Variants in CFAP46 observed in about 807,000 individuals in gnomAD.
CFAP46 encodes the protein cilia and flagella associated protein 46, also known as cilia- and flagella-associated protein 46.
CFAP46 carries 245 observed loss-of-function variants against 325.7 expected under a neutral mutation model. That is an observed-to-expected ratio of 0.75 (90% CI 0.68 to 0.84). The LOEUF is 0.84. Among genes scored for constraint, CFAP46 ranks in the 40% least tolerant of loss-of-function variants. The pLI, the probability that CFAP46 is intolerant of heterozygous loss-of-function variation, is 0.00. For missense variants in CFAP46, 3,346 were observed against 3,543.0 expected (o/e 0.94, Z 1.41); for synonymous variants, 1,523 against 1,495.9 (o/e 1.02, Z -0.42).
At position 132,876,915 on chromosome 10, in the gene CFAP46, C is replaced by G. The variant is rs1441722815; in HGVS notation, c.4259G>C (p.Ser1420Thr). The change falls in exon 31 of 58, where the codon AGC becomes ACC. Residue 1420 changes from serine to threonine, a missense_variant. Physicochemically the swap from Ser to Thr is moderately conservative, Grantham distance 58 (BLOSUM62 1). Transcript: ENST00000368586. The surrounding 1 kb of genome is among the most constrained non-coding windows in gnomAD (Gnocchi z 4.1). ...PIKQLEDLPM[S>T]IEEWASYSCP... ...GGAGTAGGAAGCCCACTCTTCTATG[C>G]TCATGGGTAAGTCTTCCAGTTGTTT... The G allele has an allele frequency of 1.4e-5, 22 of 1,550,488 alleles. No individual in the cohort carries two copies. Among genetic ancestry groups the G allele is most frequent in the Non-Finnish European group, 1.9e-5 (22 of 1,147,002 alleles).
In CFAP46 at chr10:132,918,522, T is replaced by C. The variant is rs1849672641; in HGVS notation, c.1859-2A>G. ...CGTCCCTACCTCGCTTCTTCTTCCC[T>C]GAGAGAAATGGCAGCAGGTAAGGAT... On this transcript the variant is annotated splice_acceptor_variant, in intron 15 of 57. Transcript: ENST00000368586. LOFTEE classifies it high-confidence loss of function. 9 of 1,511,106 alleles carry C rather than the reference T, an allele frequency of 6.0e-6. No homozygotes were observed. The highest frequency in any genetic ancestry group is 7.1e-6 in the Non-Finnish European group (8 of 1,121,914). 93.6% of individuals were successfully genotyped at this position (1,511,106 alleles called of 1,614,324 possible).
At chr10:132,893,847 G>C (rs1238123922) in intron 24 of CFAP46, among the ~76,000 whole-genome samples, 1 of 152,122 alleles carries the variant, frequency 6.6e-6, no homozygotes, top group Non-Finnish European at 1.5e-5. Context: ...CTTCTGAGGA[G>C]GCAAGAACTG....
At chr10:132,910,870 A>G (rs909688844) in intron 19 of CFAP46, among the ~76,000 whole-genome samples, 3 of 150,556 alleles carry the variant, frequency 2.0e-5, no homozygotes, top group African/African-American at 4.9e-5. Context: ...TTTGGGGAGC[A>G]CTCACTCCCC....
chr10:132,929,252 A>G, intron 9 of CFAP46: 1 of 572,982 alleles, frequency 1.7e-6, no homozygotes, highest in Non-Finnish European at 3.1e-6. Context: ...ATACTGTAAC[A>G]GAAGTGATGT....
At chr10:132,870,058 G>C (rs1399193687) in intron 32 of CFAP46, among the ~76,000 whole-genome samples, 1 of 152,146 alleles carries the variant, frequency 6.6e-6, no homozygotes, top group Non-Finnish European at 1.5e-5. Context: ...TCACATTTTG[G>C]TAATTCTCAA....
At position 132,908,634 on chromosome 10, in the gene CFAP46, A is replaced by G; in HGVS notation, c.2758T>C (p.Leu920=). The change falls in exon 22 of 58, where the codon TTG becomes CTG. Residue 920 remains leucine (L), a splice_region_variant and synonymous_variant. Transcript: ENST00000368586. ...TTGCACTCGGAAGCCATTTTCACCA[A>G]CTTCCGGTGGGTGGCAAGAGAAGGG... ...MDFTVPSLAQ[L]VKMASECNWS... is the part of the protein sequence containing the mutation. The G allele has an allele frequency of 1.3e-6, 2 of 1,531,540 alleles. No individual in the cohort carries two copies. Among genetic ancestry groups the G allele is most frequent in the South Asian group, 1.2e-5 (1 of 81,824 alleles). The allele number at this position is 1,531,540 out of a possible 1,614,324, so 94.9% of individuals were successfully genotyped here. A position where few individuals can be genotyped will look rare whatever the true frequency, so the allele number is the denominator to read the frequency against.
intron 10 of CFAP46, among the ~76,000 whole-genome samples, chr10:132,925,755 G>T (rs904418268): frequency 6.6e-6 from 1 of 152,254 alleles, no homozygotes; most frequent in East Asian, 1.9e-4. Flanking sequence ...GCTGTGACAC[G>T]TGTGCCAGGC....
rs764804350 is a variant in CFAP46 at position 132,860,460 on chromosome 10, G to A, written c.5155C>T (p.Arg1719Ter). 6.2e-5 allele frequency: 96 copies of A among 1,551,128 alleles called. No homozygotes were observed. The highest frequency in any genetic ancestry group is 6.5e-5 in the Non-Finnish European group (75 of 1,147,102). ...ATCATGAATTCCAGTAAAGGCAATC[G>A]GTTTGGTCTTTCTTTCTTGAGGATC... ...FKILKKERPN[R>*]LPLLEFMITD... is the part of the protein sequence containing the mutation. The change falls in exon 37 of 58, where the codon CGA becomes TGA. Residue 1719 changes from arginine to a stop codon, truncating the protein, a stop_gained. Transcript: ENST00000368586. LOFTEE classifies it high-confidence loss of function.
chr10:132,869,294 G>A lies in CFAP46; in HGVS notation c.4590C>T (p.Val1530=), dbSNP rs1848862521. ...CACACCTGGCCTGCTCCAGCTCGCT[G>A]ACGCACACCTGCCCGACCGCCTCTT... ...RHEEAVGQVC[V]SELEQASCRK... The change falls in exon 33 of 58, where the codon GTC becomes GTT. Residue 1530 remains valine, a synonymous_variant. Coordinates refer to ENST00000368586, the MANE Select transcript of CFAP46 (RefSeq NM_001200049.3). The surrounding 1 kb of genome is among the most constrained non-coding windows in gnomAD (Gnocchi z 6.2). 1.3e-6 allele frequency: 2 copies of A among 1,537,662 alleles called. No homozygotes were observed. Among genetic ancestry groups the A allele is most frequent in the East Asian group, 4.9e-5 (2 of 40,610 alleles).
intron 44 of CFAP46, among the ~76,000 whole-genome samples, chr10:132,841,066 G>A (rs1416522167): frequency 6.6e-6 from 1 of 152,122 alleles, no homozygotes; most frequent in Admixed American, 6.5e-5. Context: ...AGTTTTGGAG[G>A]GAACATTCAA....
At position 132,939,393 on chromosome 10, in the gene CFAP46, G is replaced by A. The variant is rs540967172; in HGVS notation, c.372-640C>T. Among the ~76,000 whole-genome samples the A allele has an allele frequency of 6.6e-6, 1 of 152,314 alleles. No homozygotes were observed. The highest frequency in any genetic ancestry group is 2.4e-5 in the African/African-American group (1 of 41,594). ...TGGGCCTCTCCCTGGGCAGCAGGGAGCATTGCAGGGACTGAAGTAAGGGAA... is the reference window on the plus strand; with the variant it reads ...TGGGCCTCTCCCTGGGCAGCAGGGAACATTGCAGGGACTGAAGTAAGGGAA... On this transcript the variant is annotated intron_variant, in intron 4 of 57. Coordinates refer to ENST00000368586, the MANE Select transcript of CFAP46 (RefSeq NM_001200049.3). The surrounding 1 kb of genome is among the most constrained non-coding windows in gnomAD (Gnocchi z 4.6).
At chr10:132,815,778 C>T (rs1361973439) in intron 50 of CFAP46, among the ~76,000 whole-genome samples, 3 of 151,846 alleles carry the variant, frequency 2.0e-5, no homozygotes, top group South Asian at 2.1e-4. Flanking sequence ...AGAGCGAGAC[C>T]GTCAGGAAGT....
Position 132,879,477 on chromosome 10 carries a change from G to C in CFAP46, c.3954C>G (p.Gly1318=), listed in dbSNP as rs761360687. The C allele has an allele frequency of 6.5e-7, 1 of 1,546,210 alleles. No homozygotes were observed. The highest frequency in any genetic ancestry group is 8.7e-7 in the Non-Finnish European group (1 of 1,145,478). ...LALVLSPGAE[G]YEDCCLAAYA... Reference sequence around the variant, plus strand: ...AGGCTGCAAGGCAGCAGTCCTCGTAGCCCTCGGCGCCCGGCGACAGCACCA... The same window carrying C: ...AGGCTGCAAGGCAGCAGTCCTCGTACCCCTCGGCGCCCGGCGACAGCACCA... The change falls in exon 29 of 58, where the codon GGC becomes GGG. Residue 1318 remains glycine, a synonymous_variant. Transcript: ENST00000368586.
At chr10:132,896,789 A>C (rs914625265) in intron 24 of CFAP46, among the ~76,000 whole-genome samples, 16 of 152,242 alleles carry the variant, frequency 1.1e-4, no homozygotes, top group Admixed American at 9.2e-4. Flanking sequence ...ATGGAATTGC[A>C]AGGGGCCCCA....
chr10:132,879,414 G>A lies in CFAP46; in HGVS notation c.4005+12C>T, dbSNP rs944822464. On this transcript the variant is annotated intron_variant, in intron 29 of 57. Transcript: ENST00000368586. The stretch of plus-strand genomic sequence containing the variant: ...GTGCTGCAGGAGCAGGGGAGTCTGC[G>A]CTGGGCCTCACCTGCCAGATGTGCC... 8 of 1,493,342 alleles carry A rather than the reference G, an allele frequency of 5.4e-6. No individual in the cohort carries two copies. The highest frequency in any genetic ancestry group is 2.8e-5 in the African/African-American group (2 of 71,702). The allele number at this position is 1,493,342 out of a possible 1,614,324, so 92.5% of individuals were successfully genotyped here.
At chr10:132,937,452 A>G (rs1362954245) in intron 6 of CFAP46, 100 bp downstream of exon 6, 3 of 1,449,750 alleles carry the variant, frequency 2.1e-6, no homozygotes, top group Admixed American at 1.8e-5. Flanking sequence ...ATAGATTTTT[A>G]TATCTCTCAG....
Position 132,942,345 on chromosome 10 carries a change from G to A in CFAP46, c.49+91C>T. 3 of 914,484 alleles carry A rather than the reference G, an allele frequency of 3.3e-6. No individual in the cohort carries two copies. In the South Asian group the frequency reaches 6.1e-5, roughly 19 times the overall value. The allele number at this position is 914,484 out of a possible 1,614,324, so 56.6% of individuals were successfully genotyped here. ...GAGGGATCACCCATTGGGCGGGCTGGGATGAGAGGGTCCGGGGCCTCCCCG... is the reference window on the plus strand; with the variant it reads ...GAGGGATCACCCATTGGGCGGGCTGAGATGAGAGGGTCCGGGGCCTCCCCG... On this transcript the variant is annotated intron_variant, in intron 1 of 57. Transcript: ENST00000368586.
chr10:132,852,108 T>C, intron 39 of CFAP46, among the ~76,000 whole-genome samples: 1 of 143,684 alleles, frequency 7.0e-6, no homozygotes, highest in African/African-American at 2.6e-5. Context: ...ACGTGGTATG[T>C]TCCTCCATTT....
chr10:132,810,603 C>G, intron 56 of CFAP46, 114 bp from the exon 57 acceptor site: 1 of 927,412 alleles, frequency 1.1e-6, no homozygotes, highest in Non-Finnish European at 1.7e-6. Context: ...AAGACGCTGG[C>G]CCGCAGCGCG....
Sources: gnomAD v4.1 joint callset for allele counts (sites outside exome capture counted in the v4.1 genomes callset) on GRCh38, gnomAD v4.1.1 for gene constraint, Gnocchi (gnomAD v3.1) non-coding constraint, MANE v1.5 for transcripts, NCBI Gene and HGNC (gene_info 2026-07-23, HGNC 2026-07-21) for gene names.